Variants in FBXW5 observed in about 807,000 individuals in gnomAD.
FBXW5 encodes F-box/WD repeat-containing protein 5.
FBXW5 carries 74 observed loss-of-function variants against 50.9 expected under a neutral mutation model. The observed-to-expected ratio is 1.45, with a 90% CI of 1.20 to 1.76. The LOEUF is 1.76. FBXW5 is among the 40% of genes most tolerant of loss of function. FBXW5 has a pLI of 0.00. For missense variants in FBXW5, 1,073 were observed against 818.8 expected (o/e 1.31, Z -3.79); for synonymous variants, 523 against 362.2 (o/e 1.44, Z -5.04).
intron 7 of FBXW5, 28 bp from the exon 8 acceptor site, chr9:136,941,491 G>A: frequency 7.5e-6 from 12 of 1,605,476 alleles, no homozygotes; most frequent in Non-Finnish European, 8.5e-6. Context: ...TGCTAGGTGT[G>A]GGCCGCCTGC....
At position 136,940,763 on chromosome 9, in the gene FBXW5, C is replaced by T; in HGVS notation, c.*165G>A. 4 of 1,172,610 alleles carry T rather than the reference C, an allele frequency of 3.4e-6. No individual in the cohort carries two copies. Among genetic ancestry groups the T allele is most frequent in the South Asian group, 1.6e-5 (1 of 63,486 alleles). The allele number at this position is 1,172,610 out of a possible 1,614,324, so 72.6% of individuals were successfully genotyped here. On this transcript the variant is annotated 3_prime_UTR_variant, in exon 9 of 9. Coordinates refer to ENST00000325285, the MANE Select transcript of FBXW5 (RefSeq NM_018998.4). ...ACTGGCCACCCCGTGCCAAGCATCACAGCTGCGTGAGCAGGTTTGTGTGTG... is the reference window on the plus strand; with the variant it reads ...ACTGGCCACCCCGTGCCAAGCATCATAGCTGCGTGAGCAGGTTTGTGTGTG...
chr9:136,943,579 C>T, intron 2 of FBXW5, 73 bp from the exon 3 acceptor site: 1 of 1,530,322 alleles, frequency 6.5e-7, no homozygotes, highest in Admixed American at 1.9e-5. Flanking sequence ...AGTGTGGCCC[C>T]AGCAGTCCTG....
chr9:136,944,526 C>T, intron 1 of FBXW5, 68 bp downstream of exon 1: 28 of 984,262 alleles, frequency 2.8e-5, no homozygotes, highest in Non-Finnish European at 3.1e-5. Flanking sequence ...GGCCTCGGGG[C>T]TCCTGCACTC....
rs765833265 is a variant in FBXW5 at position 136,942,794 on chromosome 9, G to C, written c.501C>G (p.Ser167=). Residue 167 remains serine (S), a synonymous_variant, in exon 4 of 9, where the codon TCC becomes TCG. Transcript: ENST00000325285. ...GVFLGPHNSS[S]GEIAVISLDS... ...CTAGGCTGATGACAGCAATCTCGCC[G>C]GATGAGGAGTTGTGCGGCCCCAGGA... is the stretch of plus-strand genomic sequence containing the variant. The C allele has an allele frequency of 6.2e-7, 1 of 1,612,990 alleles. No homozygotes were observed. Among genetic ancestry groups the C allele is most frequent in the Non-Finnish European group, 8.5e-7 (1 of 1,179,910 alleles).
rs756249026 is a variant in FBXW5, at chr9:136,943,979, T to C, written c.105A>G (p.Gln35=). Residue 35 remains glutamine (Q), a synonymous_variant, in exon 2 of 9, where the codon CAA becomes CAG. Coordinates refer to ENST00000325285, the MANE Select transcript of FBXW5 (RefSeq NM_018998.4). The stretch of plus-strand genomic sequence containing the variant: ...ACTCGTCCCGCGACACGGCCTGCCA[T>C]TGGCGGCACACCAGCCCGGCGGCCA... ...DVLAAGLVCR[Q]WQAVSRDEFL... 51 of 1,581,292 alleles carry C rather than the reference T, an allele frequency of 3.2e-5. No homozygotes were observed. Among genetic ancestry groups the C allele is most frequent in the Non-Finnish European group, 3.9e-5 (46 of 1,165,072 alleles).
chr9:136,942,060 G>A lies in FBXW5; in HGVS notation c.1082C>T (p.Ser361Phe), dbSNP rs749598387. The change falls in exon 6 of 9, where the codon TCC becomes TTC. Residue 361 changes from serine to phenylalanine, a missense_variant. Transcript: ENST00000325285. ...LIFTTGCLTY[S>F]PHQIGIKQIL... ...CAGGGGTGTACCGATCTGGTGTGGG[G>A]AGTAGGTGAGGCAGCCAGTGGTGAA... 1.2e-6 allele frequency: 2 copies of A among 1,610,004 alleles called. No individual in the cohort carries two copies. The highest frequency in any genetic ancestry group is 1.7e-6 in the Non-Finnish European group (2 of 1,177,206).
At position 136,943,761 on chromosome 9, in the gene FBXW5, A is replaced by G. The variant is rs12004971; in HGVS notation, c.193+130T>C. The G allele has an allele frequency of 8.9e-4, 1,000 of 1,126,274 alleles. 9 individuals are homozygous for G. The African/African-American group carries it at 0.014, about 16-fold the overall frequency. The allele number at this position is 1,126,274 out of a possible 1,614,324, so 69.8% of individuals were successfully genotyped here. A position where few individuals can be genotyped will look rare whatever the true frequency, so the allele number is the denominator to read the frequency against. ...CTGCGCTGTGTCCTGACAGGCCTCT[A>G]TCAGGGTGTGGGGGGGTGAGCATGG... is the stretch of plus-strand genomic sequence containing the variant. On this transcript the variant is annotated intron_variant, in intron 2 of 8. Transcript: ENST00000325285.
rs150683637 is a variant in FBXW5 at position 136,941,407 on chromosome 9, A to G, written c.1301T>C (p.Met434Thr). The G allele has an allele frequency of 2.4e-5, 39 of 1,610,586 alleles. No individual in the cohort carries two copies. Among genetic ancestry groups the G allele is most frequent in the African/African-American group, 5.3e-5 (4 of 74,942 alleles). The stretch of plus-strand genomic sequence containing the variant: ...CTCCTCCGCGATTGGTGGCGGCTGC[A>G]TGGGGTCGGCCACCACCGCACCGTT... ...WPNGAVVADP[M>T]QPPPIAEEID... The change falls in exon 8 of 9, where the codon ATG (methionine) becomes ACG (threonine). Residue 434 changes from methionine (M) to threonine (T), a missense_variant. Met to Thr is a moderately conservative substitution (Grantham distance 81). Coordinates refer to ENST00000325285, the MANE Select transcript of FBXW5 (RefSeq NM_018998.4).
At position 136,942,824 on chromosome 9, in the gene FBXW5, C is replaced by T; in HGVS notation, c.471G>A (p.Gly157=). The change falls in exon 4 of 9, where the codon GGG becomes GGA. Residue 157 remains glycine (G), a synonymous_variant. Transcript: ENST00000325285. ...AGGAGTTGTGCGGCCCCAGGAACACCCCCGAGGCCAGCAGTAGCGAGTCGT... is the reference window on the plus strand; with the variant it reads ...AGGAGTTGTGCGGCCCCAGGAACACTCCCGAGGCCAGCAGTAGCGAGTCGT... ...NKDDSLLLAS[G]VFLGPHNSSS... is the part of the protein sequence containing the mutation. The T allele has an allele frequency of 1.2e-6, 2 of 1,613,294 alleles. No homozygotes were observed. The highest frequency in any genetic ancestry group is 1.7e-6 in the Non-Finnish European group (2 of 1,179,976).
Position 136,944,654 on chromosome 9 carries a change from G to T in FBXW5, c.-84C>A. ...TGCGCGACCCGGACCCGCTTCCGCT[G>T]CCGCAGCCGCTCGGACCGCCGCCCC... On this transcript the variant is annotated 5_prime_UTR_variant, in exon 1 of 9. Transcript: ENST00000325285. 1 of 985,284 alleles carries T rather than the reference G, an allele frequency of 1.0e-6. No individual in the cohort carries two copies. Among genetic ancestry groups the T allele is most frequent in the Non-Finnish European group, 1.2e-6 (1 of 829,652 alleles). 61.0% of individuals were successfully genotyped at this position (985,284 alleles called of 1,614,324 possible). A position where few individuals can be genotyped will look rare whatever the true frequency, so the allele number is the denominator to read the frequency against.
Position 136,942,750 on chromosome 9 carries a change from A to G in FBXW5, c.526+19T>C, listed in dbSNP as rs1210524980. On this transcript the variant is annotated intron_variant, in intron 4 of 8. Coordinates refer to ENST00000325285, the MANE Select transcript of FBXW5 (RefSeq NM_018998.4). ...TCGGCGTGGGGCGGGGGCAGGGTCA[A>G]CCCGCCGCCCGTGCTCACCTAGGCT... 2.5e-6 allele frequency: 4 copies of G among 1,610,758 alleles called. No homozygotes were observed. The highest frequency in any genetic ancestry group is 4.5e-5 in the East Asian group (2 of 44,792).
In FBXW5 at chr9:136,944,051, G is replaced by C; in HGVS notation, c.33C>G (p.Asp11Glu). The C allele has an allele frequency of 6.2e-7, 1 of 1,604,006 alleles. No individual in the cohort carries two copies. Among genetic ancestry groups the C allele is most frequent in the Non-Finnish European group, 8.5e-7 (1 of 1,175,976 alleles). MDEGGTPLLP[D>E]SLVYQIFLSL... ...TCAGGAAGATCTGGTAGACCAGGCT[G>C]TCGGGGAGCAGGGGCGTGCCGCCCT... Residue 11 changes from aspartate to glutamate, a missense_variant, in exon 2 of 9, where the codon GAC (aspartate) becomes GAG (glutamate). Physicochemically the swap from Asp to Glu is conservative, Grantham distance 45 (BLOSUM62 2). Coordinates refer to ENST00000325285, the MANE Select transcript of FBXW5 (RefSeq NM_018998.4).
Position 136,941,158 on chromosome 9 carries a change from G to A in FBXW5, c.1471C>T (p.Arg491Trp), listed in dbSNP as rs376036392. The change falls in exon 9 of 9, where the codon CGG becomes TGG. Residue 491 changes from arginine (R) to tryptophan (W), a missense_variant. Coordinates refer to ENST00000325285, the MANE Select transcript of FBXW5 (RefSeq NM_018998.4). The part of the protein sequence containing the change: ...RDFVASGAED[R>W]HGYIWDRHYN... The stretch of plus-strand genomic sequence containing the variant: ...TGGCGGTCCCAGATGTAGCCGTGCC[G>A]GTCCTCCGCCCCGCTGCAGAACAGC... 1.0e-4 allele frequency: 160 copies of A among 1,599,304 alleles called. 1 individual carries two copies. Among genetic ancestry groups the A allele is most frequent in the Non-Finnish European group, 1.2e-4 (145 of 1,173,698 alleles).
chr9:136,941,445 G>A lies in FBXW5; in HGVS notation c.1263C>T (p.Ser421=), dbSNP rs564578256. The change falls in exon 8 of 9, where the codon AGC becomes AGT. Residue 421 remains serine (S), a synonymous_variant. Coordinates refer to ENST00000325285, the MANE Select transcript of FBXW5 (RefSeq NM_018998.4). ...CCACCGCACCGTTGGGCCAGGCGCG[G>A]CTGTTCACGTACAGGTACCTGGGCG... ...SPDNRYLYVN[S]RAWPNGAVVA... 7 of 1,607,906 alleles carry A rather than the reference G, an allele frequency of 4.4e-6. No individual in the cohort carries two copies. The South Asian group carries it at 6.6e-5, about 15-fold the overall frequency.
intron 2 of FBXW5, 135 bp from the exon 3 acceptor site, chr9:136,943,641 T>G: frequency 7.8e-7 from 1 of 1,274,214 alleles, no homozygotes; most frequent in Non-Finnish European, 1.1e-6. Flanking sequence ...AGGCCTCGGC[T>G]GGGGGATTCA....
At position 136,942,903 on chromosome 9, in the gene FBXW5, G is replaced by T. The variant is rs371500857; in HGVS notation, c.392C>A (p.Ala131Glu). The T allele has an allele frequency of 4.3e-6, 7 of 1,613,398 alleles. No homozygotes were observed. In the African/African-American group the frequency reaches 8.0e-5, roughly 18 times the overall value. ...NDLTISLLHS[A>E]DMRPYNWSYT... ...GCTCCAGTTGTAGGGCCGCATGTCC[G>T]CGCTGTGCAGCAGCGAGATGGTCAG... Residue 131 changes from alanine to glutamate, a missense_variant, in exon 4 of 9, where the codon GCG (alanine) becomes GAG (glutamate). Transcript: ENST00000325285.
At position 136,942,434 on chromosome 9, in the gene FBXW5, C is replaced by T. The variant is rs781339844; in HGVS notation, c.708G>A (p.Lys236=). The T allele has an allele frequency of 1.9e-6, 3 of 1,601,684 alleles. No homozygotes were observed. Among genetic ancestry groups the T allele is most frequent in the African/African-American group, 1.3e-5 (1 of 74,650 alleles). The change falls in exon 6 of 9, where the codon AAG becomes AAA. Residue 236 remains lysine (K), a synonymous_variant. Coordinates refer to ENST00000325285, the MANE Select transcript of FBXW5 (RefSeq NM_018998.4). The stretch of plus-strand genomic sequence containing the variant: ...TGAGGTTCTGGATCTTGAACAGCCG[C>T]TTCACCACGTTGACGTTCTCTGACT... ...DVESENVNVV[K]RLFKIQNLNA...
At chr9:136,943,538 G>A (rs2271872) in intron 2 of FBXW5, 32 bp from the exon 3 acceptor site, 4 of 1,587,936 alleles carry the variant, frequency 2.5e-6, no homozygotes, top group Non-Finnish European at 2.6e-6. Flanking sequence ...TCCTGGGCCC[G>A]GGCCTTCCTC....
At position 136,943,847 on chromosome 9, in the gene FBXW5, G is replaced by A. The variant is rs1314765618; in HGVS notation, c.193+44C>T. ...TGACCCCCAAGCGCAGGGGCCCGGG[G>A]CCCTGGCTGCAGAACGTGGGTAGGG... On this transcript the variant is annotated intron_variant, in intron 2 of 8. Transcript: ENST00000325285. 12 of 1,539,434 alleles carry A rather than the reference G, an allele frequency of 7.8e-6. No individual in the cohort carries two copies. In the Admixed American group the frequency reaches 1.2e-4, roughly 15 times the overall value.
Sources: gnomAD v4.1 joint callset for allele counts on GRCh38, gnomAD v4.1.1 for gene constraint, MANE v1.5 for transcripts, NCBI Gene and HGNC (gene_info 2026-07-23, HGNC 2026-07-21) for gene names.